Variants in SLC31A1 observed in about 807,000 individuals in gnomAD.
The protein encoded by SLC31A1 is high affinity copper uptake protein 1.
In SLC31A1, 5 loss-of-function variants were observed where a neutral mutation model predicts 17.2. The ratio of observed to expected loss-of-function variants is 0.29; its 90% CI spans 0.15 to 0.61. The LOEUF is 0.61. SLC31A1 is among the 20% of genes least tolerant of loss of function. The pLI is 0.86. For missense variants in SLC31A1, 161 were observed against 241.4 expected (o/e 0.67, Z 2.21); for synonymous variants, 76 against 78.8 (o/e 0.96, Z 0.19).
At chr9:113,225,359 T>C (rs764020277) in intron 1 of SLC31A1, among the ~76,000 whole-genome samples, 2 of 152,238 alleles carry the variant, frequency 1.3e-5, no homozygotes, top group Non-Finnish European at 2.9e-5. Flanking sequence ...AGTTTGTACT[T>C]AGATTGGTAG....
chr9:113,260,082 A>G (rs951526495), intron 4 of SLC31A1, among the ~76,000 whole-genome samples, 190 bp from the exon 5 acceptor site: 17 of 152,176 alleles, frequency 1.1e-4, no homozygotes, highest in South Asian at 2.1e-4. Context: ...TATCTGGCCA[A>G]TGTTTATAAG....
rs1377353663 is a variant in SLC31A1, at chr9:113,262,766, A to C, written c.*2293A>C. 1 of 152,680 alleles carries C rather than the reference A, an allele frequency of 6.5e-6. No individual in the cohort carries two copies. Among genetic ancestry groups the C allele is most frequent in the Non-Finnish European group, 1.5e-5 (1 of 68,058 alleles). The allele number at this position is 152,680 out of a possible 1,614,324, so 9.5% of individuals were successfully genotyped here. On this transcript the variant is annotated 3_prime_UTR_variant, in exon 5 of 5. Coordinates refer to ENST00000374212, the MANE Select transcript of SLC31A1 (RefSeq NM_001859.4). ...TCTAAAGCCAAGGAGTCATAAAACC[A>C]TGAGAAATAAATAGGAATCAATAGT...
At chr9:113,249,798 A>G (rs1202491985) in intron 1 of SLC31A1, among the ~76,000 whole-genome samples, 1 of 152,208 alleles carries the variant, frequency 6.6e-6, no homozygotes, top group Admixed American at 6.5e-5. Context: ...GCTAATATCC[A>G]GAATCTACAA....
At chr9:113,237,787 C>T (rs1312774691) in intron 1 of SLC31A1, among the ~76,000 whole-genome samples, 1 of 152,186 alleles carries the variant, frequency 6.6e-6, no homozygotes, top group East Asian at 1.9e-4. Context: ...CAGCAATTCT[C>T]AGAAAAAGCG....
chr9:113,248,539 A>G (rs1306459243), intron 1 of SLC31A1, among the ~76,000 whole-genome samples: 3 of 131,772 alleles, frequency 2.3e-5, no homozygotes, highest in Admixed American at 9.5e-5. Flanking sequence ...GTGCAGTCTC[A>G]GCTCACTGCA....
At chr9:113,242,879 CCTT>C (rs1587991742) in intron 1 of SLC31A1, among the ~76,000 whole-genome samples, 4 of 152,210 alleles carry the variant, frequency 2.6e-5, no homozygotes, top group Admixed American at 2.6e-4. Flanking sequence ...TAATCTCTTC[CCTT>C]CTTCTACTCT....
At chr9:113,223,094 A>G in intron 1 of SLC31A1, 1 of 220,392 alleles carries the variant, frequency 4.5e-6, no homozygotes, top group Non-Finnish European at 9.4e-6. Context: ...GAATATTTGA[A>G]CTCTTATCTT....
At chr9:113,244,928 T>C (rs376511112) in intron 1 of SLC31A1, among the ~76,000 whole-genome samples, 161 of 152,148 alleles carry the variant, frequency 1.1e-3, no homozygotes, top group African/African-American at 3.7e-3. Flanking sequence ...TTTACATTTC[T>C]TTTTTTTCTT....
intron 1 of SLC31A1, among the ~76,000 whole-genome samples, chr9:113,229,986 G>A (rs1306646853): frequency 6.6e-6 from 1 of 152,152 alleles, no homozygotes; most frequent in African/African-American, 2.4e-5. Context: ...AACAAAAGGA[G>A]ACTGTCTCCC....
At chr9:113,236,193 G>A (rs1831456821) in intron 1 of SLC31A1, among the ~76,000 whole-genome samples, 1 of 151,948 alleles carries the variant, frequency 6.6e-6, no homozygotes, top group South Asian at 2.1e-4. Context: ...TTGCCATGTT[G>A]GCCAGGCTGG....
intron 1 of SLC31A1, among the ~76,000 whole-genome samples, chr9:113,227,817 A>G (rs1285322709): frequency 2.6e-5 from 4 of 152,242 alleles, no homozygotes; most frequent in East Asian, 1.9e-4. Context: ...GATTATAACA[A>G]TAAAGCAGTT....
rs779171312 is a variant in SLC31A1, at chr9:113,256,239, C to T, written c.91C>T (p.His31Tyr). ...SHHHPTTSAS[H>Y]SHGGGDSSMM... ...CCATCACCCAACCACTTCAGCCTCA[C>T]ACTCCCATGGTGGAGGAGACAGCAG... The change falls in exon 2 of 5, where the codon CAC (histidine) becomes TAC (tyrosine). Residue 31 changes from histidine to tyrosine, a missense_variant. His to Tyr is a moderately conservative substitution (Grantham distance 83, BLOSUM62 2). Transcript: ENST00000374212. The T allele has an allele frequency of 6.2e-7, 1 of 1,614,004 alleles. No homozygotes were observed. Among genetic ancestry groups the T allele is most frequent in the Non-Finnish European group, 8.5e-7 (1 of 1,180,030 alleles).
Position 113,258,977 on chromosome 9 carries a change from T to A in SLC31A1, c.371+115T>A. 1 of 1,117,984 alleles carries A rather than the reference T, an allele frequency of 8.9e-7. No homozygotes were observed. The highest frequency in any genetic ancestry group is 1.3e-6 in the Non-Finnish European group (1 of 741,036). The allele number at this position is 1,117,984 out of a possible 1,614,324, so 69.3% of individuals were successfully genotyped here. ...CTTGAGTTAGGAGTTCTGTATGACC[T>A]TGATCAAAACTGTCCTTGGAGGTTT... On this transcript the variant is annotated intron_variant, in intron 4 of 4. Transcript: ENST00000374212. The surrounding 1 kb of genome is among the most constrained non-coding windows in gnomAD (Gnocchi z 4.8).
rs569792695 is a variant in SLC31A1 at position 113,261,774 on chromosome 9, A to C, written c.*1301A>C. ...GTTCCTGCTGATGTTACAAGGGACC[A>C]CACTTTTGAGAATCTGTGCTTTAAG... is the stretch of plus-strand genomic sequence containing the variant. On this transcript the variant is annotated 3_prime_UTR_variant, in exon 5 of 5. Coordinates refer to ENST00000374212, the MANE Select transcript of SLC31A1 (RefSeq NM_001859.4). 2.0e-5 allele frequency: 3 copies of C among 152,750 alleles called. No individual in the cohort carries two copies. The highest frequency in any genetic ancestry group is 2.1e-4 in the South Asian group (1 of 4,826). The allele number at this position is 152,750 out of a possible 1,614,324, so 9.5% of individuals were successfully genotyped here.
intron 1 of SLC31A1, among the ~76,000 whole-genome samples, chr9:113,225,577 A>G (rs1417384835): frequency 6.6e-6 from 1 of 152,242 alleles, no homozygotes; most frequent in Non-Finnish European, 1.5e-5. Context: ...AAAATTTTCA[A>G]TTCAGCTTTC....
chr9:113,260,242 C>G, intron 4 of SLC31A1, 30 bp from the exon 5 acceptor site: 1 of 1,603,436 alleles, frequency 6.2e-7, no homozygotes, highest in Non-Finnish European at 8.5e-7. Flanking sequence ...CTAGGAGTCC[C>G]TGATTGTTGT....
chr9:113,254,723 AC>A (rs577278345), intron 1 of SLC31A1, among the ~76,000 whole-genome samples: 65 of 152,120 alleles, frequency 4.3e-4, no homozygotes, highest in African/African-American at 1.5e-3. Flanking sequence ...ACATGGTGAA[AC>A]CCCATCTCTA....
intron 4 of SLC31A1, among the ~76,000 whole-genome samples, 200 bp from the exon 5 acceptor site, chr9:113,260,072 T>C (rs561470568): frequency 7.9e-4 from 121 of 152,332 alleles, no homozygotes; most frequent in African/African-American, 2.8e-3. Flanking sequence ...ACCACAGCCA[T>C]ATCTGGCCAA....
intron 1 of SLC31A1, among the ~76,000 whole-genome samples, chr9:113,231,313 G>A (rs1409128171): frequency 1.3e-5 from 2 of 152,072 alleles, no homozygotes; most frequent in East Asian, 1.9e-4. Flanking sequence ...CCTGTAATCC[G>A]AGCATTTTGG....
Sources: gnomAD v4.1 joint callset for allele counts (sites outside exome capture counted in the v4.1 genomes callset) on GRCh38, gnomAD v4.1.1 for gene constraint, Gnocchi (gnomAD v3.1) non-coding constraint, MANE v1.5 for transcripts, NCBI Gene and HGNC (gene_info 2026-07-23, HGNC 2026-07-21) for gene names.